The following PACRG variants were observed in gnomAD, a reference collection of about 807,000 sequenced individuals.
PACRG encodes parkin coregulated, also known as parkin coregulated gene protein.
PACRG carries 29 observed loss-of-function variants against 29.7 expected under a neutral mutation model. That is an observed-to-expected ratio of 0.98 (90% CI 0.73 to 1.33). PACRG has a LOEUF of 1.33. Ranked by LOEUF, PACRG falls within the 40% of genes most tolerant of loss-of-function variation. The pLI, the probability that PACRG is intolerant of heterozygous loss-of-function variation, is 0.00. For missense variants in PACRG, 279 were observed against 316.2 expected, an observed-to-expected ratio of 0.88 and a Z score of 0.89; for synonymous variants, 116 against 118.7, an observed-to-expected ratio of 0.98 and a Z score of 0.15.
chr6:162,732,184 A>G (rs1779821762), intron 1 of PACRG, among the ~76,000 whole-genome samples: 1 of 152,206 alleles, frequency 6.6e-6, no homozygotes, highest in South Asian at 2.1e-4. Context: ...AGCTTGACCC[A>G]TGAAGCAACT....
In PACRG at chr6:163,055,908, C is replaced by T. The variant is rs1562872760; in HGVS notation, c.292-6242C>T. 6.6e-6 allele frequency among the ~76,000 whole-genome samples: 1 copy of T among 152,122 alleles called. No homozygotes were observed. Among genetic ancestry groups the T allele is most frequent in the Non-Finnish European group, 1.5e-5 (1 of 68,036 alleles). ...GTCTCTTGGATTTGTCTATTCCGAA[C>T]GTTTCATAGAAATGGAATCGTACAG... On this transcript the variant is annotated intron_variant, in intron 2 of 4. Coordinates refer to ENST00000366888, the MANE Select transcript of PACRG (RefSeq NM_001080379.2). This position sits in a 1 kb window ranked among gnomAD's most constrained non-coding sequence, Gnocchi z 4.0.
At chr6:162,798,384 AT>A (rs1175074486) in intron 1 of PACRG, among the ~76,000 whole-genome samples, 2 of 151,956 alleles carry the variant, frequency 1.3e-5, no homozygotes, top group Non-Finnish European at 2.9e-5. Context: ...CCAGAAATAC[AT>A]TTTTTTCTGG....
chr6:162,808,730 A>G (rs1221920330), intron 1 of PACRG, among the ~76,000 whole-genome samples: 1 of 152,204 alleles, frequency 6.6e-6, no homozygotes, highest in Admixed American at 6.5e-5. Context: ...CAATTGGTTT[A>G]CAGATTGCCC....
At chr6:163,004,755 C>T (rs909282382) in intron 2 of PACRG, among the ~76,000 whole-genome samples, 2 of 136,680 alleles carry the variant, frequency 1.5e-5, no homozygotes, top group African/African-American at 6.0e-5. Context: ...CACACACACA[C>T]ATATCTGCAA....
At chr6:162,729,955 A>G (rs1472683257) in intron 1 of PACRG, among the ~76,000 whole-genome samples, 1 of 152,138 alleles carries the variant, frequency 6.6e-6, no homozygotes, top group Non-Finnish European at 1.5e-5. Flanking sequence ...TTATGTTCTA[A>G]AGGAAAATCT....
At chr6:163,079,120 A>G (rs1282076683) in intron 3 of PACRG, among the ~76,000 whole-genome samples, 1 of 152,186 alleles carries the variant, frequency 6.6e-6, no homozygotes, top group Non-Finnish European at 1.5e-5. Context: ...TGTAAGGAGT[A>G]ATGAGATTAT....
chr6:163,287,404 C>G (rs1456101540), intron 4 of PACRG, among the ~76,000 whole-genome samples: 1 of 152,160 alleles, frequency 6.6e-6, no homozygotes, highest in Non-Finnish European at 1.5e-5. Context: ...GACCCTCAGC[C>G]CTCCCAGCAG....
At chr6:162,871,551 AT>A (rs1792805234) in intron 2 of PACRG, among the ~76,000 whole-genome samples, 1 of 152,196 alleles carries the variant, frequency 6.6e-6, no homozygotes. Context: ...TGAGTTACAC[AT>A]TCTCATATAT....
intron 1 of PACRG, among the ~76,000 whole-genome samples, chr6:162,774,553 A>G (rs1185682975): frequency 2.0e-5 from 3 of 152,198 alleles, no homozygotes; most frequent in Admixed American, 1.3e-4. Flanking sequence ...GTATGGGAGA[A>G]AAGTCAGGAT....
chr6:163,224,867 AG>A (rs1459176500), intron 4 of PACRG, among the ~76,000 whole-genome samples: 2 of 152,224 alleles, frequency 1.3e-5, no homozygotes, highest in East Asian at 1.9e-4. Context: ...CAAACTAAAA[AG>A]CTTCTGTACA....
intron 2 of PACRG, among the ~76,000 whole-genome samples, chr6:163,002,201 T>C (rs991960791): frequency 1.3e-5 from 2 of 152,206 alleles, no homozygotes; most frequent in African/African-American, 4.8e-5. Flanking sequence ...TCTAGGCCTC[T>C]CTAGTTGACA....
intron 2 of PACRG, among the ~76,000 whole-genome samples, chr6:162,909,084 C>T (rs2128072918): frequency 6.6e-6 from 1 of 152,308 alleles, no homozygotes; most frequent in Non-Finnish European, 1.5e-5. Flanking sequence ...GCTTTAGTCT[C>T]ATCTCCCATC....
intron 2 of PACRG, among the ~76,000 whole-genome samples, chr6:162,835,715 CT>C (rs1789167281): frequency 6.6e-6 from 1 of 152,030 alleles, no homozygotes; most frequent in African/African-American, 2.4e-5. Context: ...GTAGCATGTG[CT>C]TTTTAATTAC....
intron 4 of PACRG, among the ~76,000 whole-genome samples, chr6:163,313,260 T>C (rs144839106): frequency 1.5e-4 from 23 of 152,036 alleles, no homozygotes; most frequent in African/African-American, 4.1e-4. Flanking sequence ...CATTTTAAGG[T>C]CATTTATTAT....
At chr6:163,165,159 A>C (rs565834294) in intron 4 of PACRG, among the ~76,000 whole-genome samples, 17 of 152,124 alleles carry the variant, frequency 1.1e-4, no homozygotes, top group Non-Finnish European at 2.4e-4. Flanking sequence ...GAATGCAGAC[A>C]AAAGCTTTAG....
At chr6:163,121,957 T>G (rs1485159752) in intron 4 of PACRG, among the ~76,000 whole-genome samples, 1 of 152,122 alleles carries the variant, frequency 6.6e-6, no homozygotes, top group East Asian at 1.9e-4. Flanking sequence ...CCACCACGCC[T>G]GGCCGGTGAT....
At chr6:163,114,241 ACT>A (rs1184973976) in intron 4 of PACRG, among the ~76,000 whole-genome samples, 2 of 152,068 alleles carry the variant, frequency 1.3e-5, no homozygotes, top group Admixed American at 6.5e-5. Context: ...GAGAACTGAG[ACT>A]CTGTCTCAAA....
chr6:163,148,963 G>C (rs866855643), intron 4 of PACRG, among the ~76,000 whole-genome samples: 1 of 51,956 alleles, frequency 1.9e-5, no homozygotes, highest in Non-Finnish European at 4.4e-5. Flanking sequence ...ATCTATGGCG[G>C]GGGGGGGGGG....
At position 162,999,408 on chromosome 6, in the gene PACRG, T is replaced by C. The variant is rs71567691; in HGVS notation, c.292-62742T>C. 6.0e-3 allele frequency among the ~76,000 whole-genome samples: 921 copies of C among 152,352 alleles called. 9 individuals are homozygous for C. The highest frequency in any genetic ancestry group is 9.3e-3 in the Non-Finnish European group (634 of 68,034). On this transcript the variant is annotated intron_variant, in intron 2 of 4. Transcript: ENST00000366888. ...GTTATGTGCAAGTTGTTTACTGGCC[T>C]GTGAGTTTTAGGTACCTTAATCATA...
Sources: gnomAD v4.1 joint callset for allele counts (sites outside exome capture counted in the v4.1 genomes callset) on GRCh38, gnomAD v4.1.1 for gene constraint, Gnocchi (gnomAD v3.1) non-coding constraint, MANE v1.5 for transcripts, NCBI Gene and HGNC (gene_info 2026-07-23, HGNC 2026-07-21) for gene names.